Variants in NPY2R observed in about 807,000 individuals in gnomAD.
NPY2R encodes the protein neuropeptide Y receptor Y2, also known as neuropeptide Y receptor type 2.
NPY2R carries 17 observed loss-of-function variants against 22.3 expected under a neutral mutation model. The ratio of observed to expected loss-of-function variants is 0.76; its 90% CI spans 0.52 to 1.14. The LOEUF is 1.14. NPY2R is among the 50% of genes most tolerant of loss of function. The pLI is 0.00. For missense variants in NPY2R, 424 were observed against 467.9 expected, an observed-to-expected ratio of 0.91 and a Z score of 0.87; for synonymous variants, 209 against 183.4, an observed-to-expected ratio of 1.14 and a Z score of -1.13.
upstream of NPY2R, among the ~76,000 whole-genome samples, chr4:155,205,364 ATTAT>A (rs1359406243): frequency 4.6e-5 from 7 of 152,194 alleles, no homozygotes. Context: ...TAACAATGAA[ATTAT>A]TTATACCGTG....
chr4:155,196,479 A>G, the NPY2R span, among the ~76,000 whole-genome samples: 1 of 151,998 alleles, frequency 6.6e-6, no homozygotes, highest in Non-Finnish European at 1.5e-5. Context: ...AATTGAGATT[A>G]CAGATTGAAG....
chr4:155,177,954 C>T, the NPY2R span, among the ~76,000 whole-genome samples: 5 of 152,224 alleles, frequency 3.3e-5, no homozygotes, highest in East Asian at 9.7e-4. Flanking sequence ...TGGAAACTTA[C>T]CTCATATGGC....
chr4:155,201,186 C>G, the NPY2R span, among the ~76,000 whole-genome samples: 2 of 151,972 alleles, frequency 1.3e-5, no homozygotes, highest in Non-Finnish European at 2.9e-5. Flanking sequence ...CCTCTTCTCC[C>G]TTTGTATATA....
the NPY2R span, among the ~76,000 whole-genome samples, chr4:155,174,922 T>C: frequency 1.3e-5 from 2 of 152,120 alleles, no homozygotes; most frequent in African/African-American, 4.8e-5. Context: ...TACAAGGATG[T>C]AAAATCGCAT....
At chr4:155,198,155 A>G in the NPY2R span, among the ~76,000 whole-genome samples, 2,327 of 152,062 alleles carry the variant, frequency 0.015, 47 homozygotes, top group African/African-American at 0.052. Context: ...ACAGGTATTG[A>G]TCATGTCTGG....
chr4:155,180,741 A>T, the NPY2R span, among the ~76,000 whole-genome samples: 1 of 151,992 alleles, frequency 6.6e-6, no homozygotes, highest in African/African-American at 2.4e-5. Flanking sequence ...TTTTTGTATT[A>T]GAGTAGGCAT....
chr4:155,201,881 A>G, the NPY2R span, among the ~76,000 whole-genome samples: 1 of 152,140 alleles, frequency 6.6e-6, no homozygotes. Context: ...TTTTGCATTA[A>G]CACATCAGTC....
chr4:155,202,562 T>A, the NPY2R span, among the ~76,000 whole-genome samples: 4 of 152,116 alleles, frequency 2.6e-5, no homozygotes, highest in Non-Finnish European at 2.9e-5. Context: ...AATAAAAGAG[T>A]AATGAGTCAT....
chr4:155,207,649 A>G (rs1729309034), upstream of NPY2R: 1 of 152,212 alleles, frequency 6.6e-6, no homozygotes, highest in South Asian at 2.1e-4. Context: ...GATTGTCTCC[A>G]CTATCCTGTT....
the NPY2R span, among the ~76,000 whole-genome samples, chr4:155,203,469 GT>G: frequency 6.6e-6 from 1 of 151,996 alleles, no homozygotes; most frequent in Non-Finnish European, 1.5e-5. Context: ...AAAAAGTGAA[GT>G]TTTTTTTAAA....
Position 155,208,955 on chromosome 4 carries a change from G to A in NPY2R, c.-163G>A, listed in dbSNP as rs930893022. 1 of 152,220 alleles carries A rather than the reference G, an allele frequency of 6.6e-6. No homozygotes were observed. The highest frequency in any genetic ancestry group is 1.5e-5 in the Non-Finnish European group (1 of 68,096). 9.4% of individuals were successfully genotyped at this position (152,220 alleles called of 1,614,324 possible). A position where few individuals can be genotyped will look rare whatever the true frequency, so the allele number is the denominator to read the frequency against. ...TGGACCCTAGGAGGGGACGGAACCG[G>A]ACTTGCCTTTGGGCACCTTCCAGGG... is the stretch of plus-strand genomic sequence containing the variant. On this transcript the variant is annotated 5_prime_UTR_variant, in exon 1 of 2. Coordinates refer to ENST00000329476, the MANE Select transcript of NPY2R (RefSeq NM_000910.4). The surrounding 1 kb of genome is among the most constrained non-coding windows in gnomAD (Gnocchi z 5.6).
chr4:155,215,266 T>C lies in NPY2R; in HGVS notation c.*181T>C. ...AGAGCCTGTGTGAAAATACTGGAAT[T>C]CAAAGATAAGGCAACAAAATGGTTT... On this transcript the variant is annotated 3_prime_UTR_variant, in exon 2 of 2. Coordinates refer to ENST00000329476, the MANE Select transcript of NPY2R (RefSeq NM_000910.4). The C allele has an allele frequency of 1.4e-6, 1 of 700,638 alleles. No individual in the cohort carries two copies. The highest frequency in any genetic ancestry group is 2.2e-5 in the Admixed American group (1 of 44,980). 43.4% of individuals were successfully genotyped at this position (700,638 alleles called of 1,614,324 possible). A position where few individuals can be genotyped will look rare whatever the true frequency, so the allele number is the denominator to read the frequency against.
chr4:155,199,325 T>C, the NPY2R span, among the ~76,000 whole-genome samples: 1 of 152,070 alleles, frequency 6.6e-6, no homozygotes, highest in East Asian at 1.9e-4. Context: ...ATGAAAGACC[T>C]CTGCAAGGAG....
the NPY2R span, among the ~76,000 whole-genome samples, chr4:155,183,716 C>A: frequency 2.6e-5 from 4 of 152,180 alleles, no homozygotes; most frequent in Non-Finnish European, 5.9e-5. Flanking sequence ...GGAATGCTTG[C>A]TCCAATATTG....
At chr4:155,181,213 G>A in the NPY2R span, among the ~76,000 whole-genome samples, 1 of 152,124 alleles carries the variant, frequency 6.6e-6, no homozygotes, top group African/African-American at 2.4e-5. Context: ...CTTATAGTGA[G>A]GAACTGCCCT....
the NPY2R span, among the ~76,000 whole-genome samples, chr4:155,178,719 T>C: frequency 2.0e-5 from 3 of 152,180 alleles, no homozygotes; most frequent in Non-Finnish European, 4.4e-5. Context: ...TCTGAATAAA[T>C]AGAATGCTTT....
At position 155,211,749 on chromosome 4, in the gene NPY2R, G is replaced by A. The variant is rs1365334144; in HGVS notation, c.-48-2143G>A. ...GTTGAGACTACCTAGGGATTACCAAGAGCAGGAAGTCATTACTGCCTCCAG... is the reference window on the plus strand; with the variant it reads ...GTTGAGACTACCTAGGGATTACCAAAAGCAGGAAGTCATTACTGCCTCCAG... On this transcript the variant is annotated intron_variant, in intron 1 of 1. Coordinates refer to ENST00000329476, the MANE Select transcript of NPY2R (RefSeq NM_000910.4). Among the ~76,000 whole-genome samples the A allele has an allele frequency of 3.3e-5, 5 of 152,200 alleles. No individual in the cohort carries two copies. The East Asian group carries it at 9.6e-4, about 29-fold the overall frequency.
chr4:155,177,637 G>A, the NPY2R span, among the ~76,000 whole-genome samples: 2 of 151,992 alleles, frequency 1.3e-5, no homozygotes, highest in African/African-American at 4.8e-5. Context: ...TGCCCCAGTG[G>A]GGTGTCTTTG....
the NPY2R span, among the ~76,000 whole-genome samples, chr4:155,182,358 T>G: frequency 6.6e-6 from 1 of 152,204 alleles, no homozygotes; most frequent in Non-Finnish European, 1.5e-5. Context: ...AATATGCATC[T>G]GTCACTTGTG....
Sources: gnomAD v4.1 joint callset for allele counts (sites outside exome capture counted in the v4.1 genomes callset) on GRCh38, gnomAD v4.1.1 for gene constraint, Gnocchi (gnomAD v3.1) non-coding constraint, MANE v1.5 for transcripts, NCBI Gene and HGNC (gene_info 2026-07-23, HGNC 2026-07-21) for gene names.